MS4A2: variants seen among roughly 807,000 people sequenced by gnomAD.
The protein encoded by MS4A2 is membrane spanning 4-domains A2, also known as high affinity immunoglobulin epsilon receptor subunit beta.
In MS4A2, 26 loss-of-function variants were observed where a neutral mutation model predicts 27.9. That is an observed-to-expected ratio of 0.93 (90% confidence interval 0.68 to 1.29). The LOEUF (loss-of-function observed/expected upper bound fraction) is 1.29. MS4A2 is among the 50% of genes most tolerant of loss of function. MS4A2 has a pLI of 0.00. For missense variants in MS4A2, 284 were observed against 284.6 expected (o/e 1.00, Z 0.01); for synonymous variants, 110 against 98.8 (o/e 1.11, Z -0.67).
intron 4 of MS4A2, 147 bp from the exon 5 acceptor site, chr11:60,093,253 G>T (rs1313382122): frequency 1.1e-6 from 1 of 925,264 alleles, no homozygotes; most frequent in African/African-American, 1.7e-5. Context: ...ATTAAACAAT[G>T]CGGACATTTT....
chr11:60,092,521 C>G (rs958915579), intron 3 of MS4A2, among the ~76,000 whole-genome samples: 1 of 152,140 alleles, frequency 6.6e-6, no homozygotes, highest in African/African-American at 2.4e-5. Flanking sequence ...GTCTTGAACT[C>G]ATGACCTCCG....
chr11:60,092,566 G>A (rs1188626727), intron 3 of MS4A2, among the ~76,000 whole-genome samples: 2 of 152,124 alleles, frequency 1.3e-5, no homozygotes, highest in East Asian at 3.8e-4. Context: ...AAAGTGCTGG[G>A]ATTACAGACA....
intron 3 of MS4A2, among the ~76,000 whole-genome samples, chr11:60,092,216 A>T (rs1855774447): frequency 6.6e-6 from 1 of 152,158 alleles, no homozygotes; most frequent in African/African-American, 2.4e-5. Context: ...CCTCATGTAA[A>T]TGAAGAATTT....
At chr11:60,089,205 A>G (rs1855711770) in intron 1 of MS4A2, among the ~76,000 whole-genome samples, 1 of 152,184 alleles carries the variant, frequency 6.6e-6, no homozygotes, top group African/African-American at 2.4e-5. Flanking sequence ...GGTCTTTATA[A>G]TCCATAAGCT....
chr11:60,089,469 A>T (rs1463264400), intron 1 of MS4A2, among the ~76,000 whole-genome samples: 1 of 152,166 alleles, frequency 6.6e-6, no homozygotes, highest in African/African-American at 2.4e-5. Flanking sequence ...TTTGGCATGG[A>T]TTTTGCTCCA....
chr11:60,089,493 A>C (rs574786113), intron 1 of MS4A2, among the ~76,000 whole-genome samples, 199 bp from the exon 2 acceptor site: 1 of 152,268 alleles, frequency 6.6e-6, no homozygotes, highest in Non-Finnish European at 1.5e-5. Flanking sequence ...TGTCCCATCT[A>C]ATCACTTGGA....
chr11:60,093,372 A>G, intron 4 of MS4A2, 28 bp from the exon 5 acceptor site: 1 of 1,614,136 alleles, frequency 6.2e-7, no homozygotes, highest in Non-Finnish European at 8.5e-7. Context: ...GTGCAGGCCC[A>G]GGTCTGAGTG....
In MS4A2 at chr11:60,093,487, T is replaced by C; in HGVS notation, c.466T>C (p.Leu156=). The C allele has an allele frequency of 6.2e-7, 1 of 1,614,214 alleles. No individual in the cohort carries two copies. The highest frequency in any genetic ancestry group is 8.5e-7 in the Non-Finnish European group (1 of 1,180,032). The part of the protein sequence containing the change: ...TILIINLKKS[L]AYIHIHSCQK... The stretch of plus-strand genomic sequence containing the variant: ...CCTGATCATCAACCTGAAGAAGAGC[T>C]TGGCCTATATCCACATCCACAGTTG... Residue 156 remains leucine (L), a synonymous_variant, in exon 5 of 7, where the codon TTG becomes CTG. Coordinates refer to ENST00000278888, the MANE Select transcript of MS4A2 (RefSeq NM_000139.5).
intron 3 of MS4A2, among the ~76,000 whole-genome samples, chr11:60,092,238 C>T (rs571948504): frequency 7.9e-4 from 120 of 152,106 alleles, no homozygotes; most frequent in African/African-American, 2.8e-3. Context: ...ATGCTCCATC[C>T]AGGACCTAAT....
Position 60,095,609 on chromosome 11 carries a change from A to G in MS4A2, c.688A>G (p.Ser230Gly), listed in dbSNP as rs1429669457. ...ATTAAACATATATTCAGCTACTTAC[A>G]GTGAGTTGGAAGACCCAGGGGAAAT... ...EELNIYSATY[S>G]ELEDPGEMSP... Residue 230 changes from serine (S) to glycine (G), a missense_variant, in exon 7 of 7, where the codon AGT (serine) becomes GGT (glycine). Physicochemically the swap from Ser to Gly is moderately conservative, Grantham distance 56 (BLOSUM62 0). Transcript: ENST00000278888. The G allele has an allele frequency of 4.3e-6, 7 of 1,612,940 alleles. No individual in the cohort carries two copies. The South Asian group carries it at 5.5e-5, about 13-fold the overall frequency.
chr11:60,089,587 G>C, intron 1 of MS4A2, 105 bp from the exon 2 acceptor site: 2 of 1,447,094 alleles, frequency 1.4e-6, no homozygotes, highest in Non-Finnish European at 1.9e-6. Flanking sequence ...TGAATTACAG[G>C]ATGGCTTTGA....
intron 4 of MS4A2, 34 bp downstream of exon 4, chr11:60,092,882 G>A: frequency 6.3e-7 from 1 of 1,590,778 alleles, no homozygotes; most frequent in Non-Finnish European, 8.6e-7. Flanking sequence ...GTCCATCCTT[G>A]AAAAGATAAG....
chr11:60,088,969 C>T (rs1855705691), intron 1 of MS4A2, 148 bp downstream of exon 1: 5 of 830,426 alleles, frequency 6.0e-6, no homozygotes, highest in Non-Finnish European at 9.8e-6. Context: ...AAGCTACTTG[C>T]TGTACTTTCC....
At chr11:60,093,916 C>A in intron 5 of MS4A2, 48 bp from the exon 6 acceptor site, 1 of 1,447,918 alleles carries the variant, frequency 6.9e-7, no homozygotes, top group Non-Finnish European at 9.7e-7. Context: ...ACTTTTGGGG[C>A]GAATACCATG....
rs139570577 is a variant in MS4A2, at chr11:60,094,610, C to T, written c.636+548C>T. ...GATGGAAGAAACATACTCTCTCCAT[C>T]TGTCCACTTTCCTGAGGCATTCAAG... On this transcript the variant is annotated intron_variant, in intron 6 of 6. Coordinates refer to ENST00000278888, the MANE Select transcript of MS4A2 (RefSeq NM_000139.5). 2.2e-4 allele frequency among the ~76,000 whole-genome samples: 34 copies of T among 152,326 alleles called. 1 individual carries two copies. Among genetic ancestry groups the T allele is most frequent in the African/African-American group, 5.8e-4 (24 of 41,570 alleles).
At chr11:60,093,860 G>C in intron 5 of MS4A2, 104 bp from the exon 6 acceptor site, 2 of 830,398 alleles carry the variant, frequency 2.4e-6, no homozygotes, top group East Asian at 2.7e-5. Context: ...AAAAGGACTG[G>C]TCAGATGGTA....
intron 5 of MS4A2, 162 bp from the exon 6 acceptor site, chr11:60,093,798 GTGTT>G (rs1234969121): frequency 2.7e-6 from 2 of 728,954 alleles, no homozygotes; most frequent in Non-Finnish European, 4.7e-6. Flanking sequence ...TTCTGTGCCT[GTGTT>G]TGTGTGTGTG....
Position 60,095,144 on chromosome 11 carries a change from T to G in MS4A2, c.637-414T>G, listed in dbSNP as rs184632022. ...GGGCATGGGGGCACACACCTGTAAT[T>G]TCAGCTACTTAGGAGGCTGAGGCAG... On this transcript the variant is annotated intron_variant, in intron 6 of 6. Transcript: ENST00000278888. Among the ~76,000 whole-genome samples the G allele has an allele frequency of 5.3e-5, 8 of 152,124 alleles. 1 individual carries two copies. In the East Asian group the frequency reaches 1.5e-3, roughly 29 times the overall value.
Position 60,089,827 on chromosome 11 carries a change from T to A in MS4A2, c.186+6T>A. The stretch of plus-strand genomic sequence containing the variant: ...AAGAGCAGGAGTTCCTGGGGGTGAG[T>A]GAGCCTCCTCCAACTTTGACTAGAG... On this transcript the variant is annotated splice_donor_region_variant and intron_variant, in intron 2 of 6. Coordinates refer to ENST00000278888, the MANE Select transcript of MS4A2 (RefSeq NM_000139.5). 6.2e-7 allele frequency: 1 copy of A among 1,613,840 alleles called. No individual in the cohort carries two copies. The highest frequency in any genetic ancestry group is 8.5e-7 in the Non-Finnish European group (1 of 1,179,928).
Sources: allele counts gnomAD v4.1 joint callset (sites outside exome capture counted in the v4.1 genomes callset), GRCh38; gene constraint gnomAD v4.1.1; transcripts MANE v1.5; gene names NCBI Gene and HGNC (gene_info 2026-07-23, HGNC 2026-07-21).